The following DPY19L1 variants were observed in gnomAD, a reference collection of about 807,000 sequenced individuals.
The protein encoded by DPY19L1 is protein C-mannosyl-transferase DPY19L1.
DPY19L1 carries 35 observed loss-of-function variants against 96.9 expected under a neutral mutation model. The ratio of observed to expected loss-of-function variants is 0.36; its 90% confidence interval spans 0.28 to 0.48. The LOEUF is 0.48. Ranked by LOEUF, DPY19L1 falls within the 20% of genes least tolerant of loss-of-function variation. The pLI, the probability that DPY19L1 is intolerant of heterozygous loss-of-function variation, is 0.99. For synonymous variants in DPY19L1, 205 were observed against 252.6 expected, an observed-to-expected ratio of 0.81 and a Z score of 1.79; for missense variants, 521 against 777.9, an observed-to-expected ratio of 0.67 and a Z score of 3.93.
chr7:34,964,856 C>T (rs1464121522), intron 10 of DPY19L1, among the ~76,000 whole-genome samples: 1 of 152,022 alleles, frequency 6.6e-6, no homozygotes, highest in Non-Finnish European at 1.5e-5. Context: ...ACAAGACAAA[C>T]TGGTAAAAGA....
intron 1 of DPY19L1, among the ~76,000 whole-genome samples, chr7:35,035,830 C>T (rs1308985534): frequency 2.0e-5 from 3 of 151,998 alleles, no homozygotes; most frequent in Non-Finnish European, 4.4e-5. Context: ...CTGCCTCATC[C>T]ACTGTATCGT....
chr7:34,941,929 G>A (rs757712429), intron 17 of DPY19L1, 45 bp from the exon 18 acceptor site: 1 of 1,548,208 alleles, frequency 6.5e-7, no homozygotes, highest in South Asian at 1.2e-5. Flanking sequence ...TGTTTGTGAA[G>A]TTTAAGAATA....
intron 3 of DPY19L1, among the ~76,000 whole-genome samples, chr7:35,017,178 T>C (rs1785870834): frequency 6.6e-6 from 1 of 152,070 alleles, no homozygotes; most frequent in Non-Finnish European, 1.5e-5. Context: ...TGAAATGATA[T>C]AATGTCTGGG....
At chr7:35,010,394 T>C (rs1226251259) in intron 6 of DPY19L1, 74 bp downstream of exon 6, 3 of 823,052 alleles carry the variant, frequency 3.6e-6, no homozygotes, top group African/African-American at 3.5e-5. Context: ...TATAAATTAA[T>C]CAATGATTAA....
intron 13 of DPY19L1, among the ~76,000 whole-genome samples, chr7:34,951,928 T>C (rs1182271433): frequency 6.6e-6 from 1 of 151,548 alleles, no homozygotes; most frequent in Non-Finnish European, 1.5e-5. Context: ...TGGAAAATCA[T>C]AAAACACCAA....
At chr7:35,036,523 C>T (rs1399925596) in intron 1 of DPY19L1, among the ~76,000 whole-genome samples, 1 of 151,866 alleles carries the variant, frequency 6.6e-6, no homozygotes, top group Non-Finnish European at 1.5e-5. Context: ...AGGATTAAGG[C>T]TCGGGCGCCC....
At chr7:35,008,542 A>G (rs1469562465) in intron 6 of DPY19L1, among the ~76,000 whole-genome samples, 1 of 152,218 alleles carries the variant, frequency 6.6e-6, no homozygotes. Context: ...TCAATTAAAA[A>G]AGTAGCCAGG....
chr7:34,956,484 A>G (rs1442386006), intron 11 of DPY19L1, among the ~76,000 whole-genome samples: 2 of 152,032 alleles, frequency 1.3e-5, no homozygotes, highest in African/African-American at 2.4e-5. Flanking sequence ...CACACTGGGA[A>G]GAGGCATATT....
At chr7:35,020,489 C>T (rs542552066) in intron 1 of DPY19L1, among the ~76,000 whole-genome samples, 1 of 152,262 alleles carries the variant, frequency 6.6e-6, no homozygotes, top group Non-Finnish European at 1.5e-5. Flanking sequence ...AAAAATTCTA[C>T]AGGTATTGTT....
At chr7:35,019,462 CAAAA>C (rs1418512523) in intron 1 of DPY19L1, among the ~76,000 whole-genome samples, 1 of 133,144 alleles carries the variant, frequency 7.5e-6, no homozygotes, top group Non-Finnish European at 1.6e-5. Context: ...CTCAAAAAAA[CAAAA>C]GAAAGAGAAA....
At chr7:34,964,609 T>C (rs1447925232) in intron 10 of DPY19L1, among the ~76,000 whole-genome samples, 1 of 152,146 alleles carries the variant, frequency 6.6e-6, no homozygotes, top group Non-Finnish European at 1.5e-5. Context: ...TAGTAACCGA[T>C]TGAAGAGGGG....
chr7:35,021,551 A>G (rs1477485502), intron 1 of DPY19L1, among the ~76,000 whole-genome samples: 2 of 152,246 alleles, frequency 1.3e-5, no homozygotes, highest in African/African-American at 2.4e-5. Flanking sequence ...CCAACACTTT[A>G]TAAGTACTTT....
intron 7 of DPY19L1, among the ~76,000 whole-genome samples, chr7:34,979,343 C>T (rs1302319463): frequency 6.6e-6 from 1 of 151,968 alleles, no homozygotes; most frequent in Non-Finnish European, 1.5e-5. Context: ...ATTCTGACTA[C>T]AAAATGAAAG....
At chr7:34,984,543 T>A (rs536377252) in intron 7 of DPY19L1, among the ~76,000 whole-genome samples, 1 of 152,196 alleles carries the variant, frequency 6.6e-6, no homozygotes, top group Non-Finnish European at 1.5e-5. Flanking sequence ...CTATTGTAGA[T>A]TGCTTTTCAA....
intron 10 of DPY19L1, among the ~76,000 whole-genome samples, chr7:34,959,560 T>C (rs1312534583): frequency 1.3e-5 from 2 of 152,234 alleles, no homozygotes; most frequent in African/African-American, 4.8e-5. Flanking sequence ...TCATGTCCTT[T>C]GCAGGGACAT....
In DPY19L1 at chr7:34,940,137, T is replaced by TC; in HGVS notation, c.1864+15_1864+16insG. ...GCTAAATAATATGACTTTTTTTTTC[T>TC]TTTTTTTTTTTTTACCTGGTTTAGT... is the stretch of plus-strand genomic sequence containing the variant. On this transcript the variant is annotated intron_variant, in intron 19 of 21. Transcript: ENST00000638088. 4.9e-6 allele frequency: 1 copy of TC among 203,356 alleles called. No individual in the cohort carries two copies. The highest frequency in any genetic ancestry group is 7.5e-6 in the Non-Finnish European group (1 of 133,560). 12.6% of individuals were successfully genotyped at this position (203,356 alleles called of 1,614,324 possible).
intron 6 of DPY19L1, among the ~76,000 whole-genome samples, chr7:34,992,743 T>C (rs1005629689): frequency 1.3e-5 from 2 of 152,096 alleles, no homozygotes; most frequent in Non-Finnish European, 2.9e-5. Context: ...ATTTTCCCTG[T>C]GTTGTTTTAC....
At chr7:34,947,372 T>TCTG (rs1382418092) in intron 15 of DPY19L1, among the ~76,000 whole-genome samples, 1 of 152,228 alleles carries the variant, frequency 6.6e-6, no homozygotes, top group African/African-American at 2.4e-5. Context: ...CAATATGGTC[T>TCTG]CTGATCATGC....
Position 34,931,439 on chromosome 7 carries a change from T to C in DPY19L1, c.*134A>G, listed in dbSNP as rs1395173856. 15 of 1,220,580 alleles carry C rather than the reference T, an allele frequency of 1.2e-5. No homozygotes were observed. Among genetic ancestry groups the C allele is most frequent in the Middle Eastern group, 3.1e-4 (1 of 3,262 alleles). The allele number at this position is 1,220,580 out of a possible 1,614,324, so 75.6% of individuals were successfully genotyped here. Reference sequence around the variant, plus strand: ...TTTTATAATTAGAATGACATTCAAATTGACCAAATAAAACGTTTTCTATTT... The same window carrying C: ...TTTTATAATTAGAATGACATTCAAACTGACCAAATAAAACGTTTTCTATTT... On this transcript the variant is annotated 3_prime_UTR_variant, in exon 22 of 22. Coordinates refer to ENST00000638088, the MANE Select transcript of DPY19L1 (RefSeq NM_001366673.1).
Sources: allele counts gnomAD v4.1 joint callset (sites outside exome capture counted in the v4.1 genomes callset), GRCh38; gene constraint gnomAD v4.1.1; transcripts MANE v1.5; gene names NCBI Gene and HGNC (gene_info 2026-07-23, HGNC 2026-07-21).